SNTG1: variants seen among roughly 807,000 people sequenced by gnomAD.
The protein encoded by SNTG1 is syntrophin gamma 1, also known as gamma-1-syntrophin.
In SNTG1, 39 loss-of-function variants were observed where a neutral mutation model predicts 74.7. That is an observed-to-expected ratio of 0.52 (90% confidence interval 0.40 to 0.68). The LOEUF (loss-of-function observed/expected upper bound fraction) is 0.68, where lower values mean the gene tolerates loss of function less well. SNTG1 is among the 30% of genes least tolerant of loss of function. The pLI is 0.00. For synonymous variants in SNTG1, 254 were observed against 217.1 expected, an observed-to-expected ratio of 1.17 and a Z score of -1.49; for missense variants, 685 against 609.5, an observed-to-expected ratio of 1.12 and a Z score of -1.30.
intron 13 of SNTG1, among the ~76,000 whole-genome samples, chr8:50,613,184 T>C (rs2094863074): frequency 2.0e-5 from 3 of 152,208 alleles, no homozygotes; most frequent in Non-Finnish European, 4.4e-5. Flanking sequence ...ATCAATGTTT[T>C]CTGCATATAG....
chr8:50,166,606 A>T (rs1450643058), intron 1 of SNTG1, among the ~76,000 whole-genome samples: 1 of 61,618 alleles, frequency 1.6e-5, no homozygotes. Flanking sequence ...GGCAATCATT[A>T]AAAAGTCAGG....
intron 2 of SNTG1, among the ~76,000 whole-genome samples, chr8:50,208,654 C>A (rs1049763942): frequency 1.1e-4 from 16 of 152,168 alleles, no homozygotes; most frequent in Non-Finnish European, 2.2e-4. Context: ...TTCTTCCTAG[C>A]CTTGATGGTC....
intron 8 of SNTG1, among the ~76,000 whole-genome samples, chr8:50,467,523 T>C (rs1415386229): frequency 6.6e-6 from 1 of 151,894 alleles, no homozygotes; most frequent in African/African-American, 2.4e-5. Context: ...TGTATCTTTC[T>C]CTCTTTATTT....
intron 2 of SNTG1, among the ~76,000 whole-genome samples, chr8:50,284,421 G>A (rs2088646796): frequency 6.6e-6 from 1 of 152,088 alleles, no homozygotes; most frequent in Non-Finnish European, 1.5e-5. Flanking sequence ...TGAGGCTCAT[G>A]ATGCATCTCT....
At chr8:49,981,445 G>T (rs199909127) in intron 1 of SNTG1, among the ~76,000 whole-genome samples, 17 of 2,918 alleles carry the variant, frequency 5.8e-3, no homozygotes, top group Admixed American at 0.01. Flanking sequence ...AAATGATAAA[G>T]AAAGAATCTG....
chr8:50,503,707 C>A (rs1473431263), intron 9 of SNTG1, among the ~76,000 whole-genome samples: 3 of 151,968 alleles, frequency 2.0e-5, no homozygotes, highest in African/African-American at 7.2e-5. Flanking sequence ...TTAGTTTGTT[C>A]ATTTATATTG....
At chr8:50,085,352 C>A (rs1314297994) in intron 1 of SNTG1, among the ~76,000 whole-genome samples, 1 of 152,132 alleles carries the variant, frequency 6.6e-6, no homozygotes, top group African/African-American at 2.4e-5. Flanking sequence ...TCTTTCTTCT[C>A]TTCCTTCTAT....
intron 1 of SNTG1, among the ~76,000 whole-genome samples, chr8:50,090,536 G>T (rs1336575611): frequency 6.6e-6 from 1 of 152,088 alleles, no homozygotes; most frequent in South Asian, 2.1e-4. Flanking sequence ...ACTCATTCTG[G>T]AATCACCAGC....
intron 1 of SNTG1, among the ~76,000 whole-genome samples, chr8:50,148,091 C>T (rs559488599): frequency 3.3e-5 from 5 of 151,986 alleles, no homozygotes; most frequent in Admixed American, 1.3e-4. Flanking sequence ...CAAAAATATG[C>T]GTAACATAGC....
At chr8:50,158,645 C>G (rs1184749116) in intron 1 of SNTG1, among the ~76,000 whole-genome samples, 1 of 152,092 alleles carries the variant, frequency 6.6e-6, no homozygotes, top group Non-Finnish European at 1.5e-5. Flanking sequence ...AGCTGGAGTT[C>G]ATTGTTTTTT....
intron 1 of SNTG1, among the ~76,000 whole-genome samples, chr8:49,944,706 T>C (rs1809008538): frequency 6.6e-6 from 1 of 150,992 alleles, no homozygotes; most frequent in South Asian, 2.1e-4. Context: ...TGTGCACATG[T>C]ACCCTAAAAC....
intron 2 of SNTG1, among the ~76,000 whole-genome samples, chr8:50,337,859 G>A (rs192643537): frequency 9.9e-5 from 15 of 152,258 alleles, no homozygotes; most frequent in South Asian, 2.1e-4. Context: ...CTTTTAGGCC[G>A]GGCGCAGTGG....
chr8:50,701,788 C>CTCT (rs1198211083), intron 15 of SNTG1, among the ~76,000 whole-genome samples: 39 of 141,832 alleles, frequency 2.7e-4, no homozygotes, highest in African/African-American at 9.4e-4. Context: ...CTTCCTCTTC[C>CTCT]TCCTCCTCCT....
chr8:50,146,542 A>G (rs549532710), intron 1 of SNTG1, among the ~76,000 whole-genome samples: 5 of 128,622 alleles, frequency 3.9e-5, no homozygotes, highest in African/African-American at 1.5e-4. Flanking sequence ...AAACACAAAA[A>G]CAAACAAACA....
chr8:50,097,828 G>T (rs984915321), intron 1 of SNTG1, among the ~76,000 whole-genome samples: 7 of 152,220 alleles, frequency 4.6e-5, no homozygotes, highest in African/African-American at 1.7e-4. Context: ...AGATACAAAA[G>T]AACTTTTTAT....
At chr8:50,675,289 C>T (rs1357476503) in intron 15 of SNTG1, among the ~76,000 whole-genome samples, 1 of 151,624 alleles carries the variant, frequency 6.6e-6, no homozygotes, top group African/African-American at 2.4e-5. Flanking sequence ...TATTATGTGG[C>T]AGTCTAAGTT....
chr8:50,542,126 G>C (rs2094352688), intron 11 of SNTG1, among the ~76,000 whole-genome samples: 2 of 146,612 alleles, frequency 1.4e-5, no homozygotes, highest in South Asian at 4.3e-4. Flanking sequence ...ATATATATAT[G>C]AATGTAGTAT....
chr8:50,669,792 A>G lies in SNTG1; in HGVS notation c.1038+11129A>G, dbSNP rs1284772300. Among the ~76,000 whole-genome samples, 5 of 152,342 alleles carry G rather than the reference A, an allele frequency of 3.3e-5. No individual in the cohort carries two copies. In the South Asian group the frequency reaches 6.2e-4, roughly 19 times the overall value. On this transcript the variant is annotated intron_variant, in intron 15 of 18. Transcript: ENST00000642720. ...ATGAACATTGATGCAAAAATCCTCA[A>G]TAAAATACTGGCAAACCAAATCCAG...
intron 5 of SNTG1, 79 bp from the exon 6 acceptor site, chr8:50,449,589 C>T: frequency 9.0e-7 from 1 of 1,109,512 alleles, no homozygotes; most frequent in Non-Finnish European, 1.2e-6. Context: ...ACATTCCCTT[C>T]AGAGCCTGTA....
Sources: gnomAD v4.1 joint callset for allele counts (sites outside exome capture counted in the v4.1 genomes callset) on GRCh38, gnomAD v4.1.1 for gene constraint, MANE v1.5 for transcripts, NCBI Gene and HGNC (gene_info 2026-07-23, HGNC 2026-07-21) for gene names.